Variants in GRID2IP observed in about 807,000 individuals in gnomAD.
GRID2IP encodes Grid2 interacting protein.
GRID2IP carries 78 observed loss-of-function variants against 114.3 expected under a neutral mutation model. That is an observed-to-expected ratio of 0.68 (90% CI 0.57 to 0.82). GRID2IP has a LOEUF of 0.82. Among genes scored for constraint, GRID2IP ranks in the 40% least tolerant of loss-of-function variants. The pLI, the probability that GRID2IP is intolerant of heterozygous loss-of-function variation, is 0.00. For missense variants in GRID2IP, 1,727 were observed against 1,678.5 expected (o/e 1.03, Z -0.51); for synonymous variants, 809 against 724.0 (o/e 1.12, Z -1.89).
At position 6,497,784 on chromosome 7, in the gene GRID2IP, AG is replaced by A; in HGVS notation, c.3625del (p.Leu1209TrpfsTer14). 1 of 1,549,896 alleles carries A rather than the reference AG, an allele frequency of 6.5e-7. No individual in the cohort carries two copies. The highest frequency in any genetic ancestry group is 8.7e-7 in the Non-Finnish European group (1 of 1,146,544). On this transcript the variant is annotated frameshift_variant, in exon 22 of 22. Coordinates refer to ENST00000457091, the MANE Select transcript of GRID2IP (RefSeq NM_001145118.2). LOFTEE classifies it high-confidence loss of function. The part of the protein sequence containing the change: ...GLRSSGMVSP[L>X]AW ...GCGGTGTGGCCACTGTCACCAGGCC[AG>A]GGGTGAAACCATCCCGGAGCTGCGC... is the stretch of plus-strand genomic sequence containing the variant.
intron 2 of GRID2IP, among the ~76,000 whole-genome samples, chr7:6,529,941 T>TTCTC (rs200826855): frequency 5.6e-5 from 8 of 142,336 alleles, no homozygotes; most frequent in East Asian, 2.1e-4. Flanking sequence ...CCACCCAGCT[T>TTCTC]TCTCTCTCTC....
chr7:6,542,412 G>C (rs1365923994), intron 1 of GRID2IP, among the ~76,000 whole-genome samples: 1 of 152,088 alleles, frequency 6.6e-6, no homozygotes, highest in Non-Finnish European at 1.5e-5. Context: ...CCAGTGCTTA[G>C]GGAGATCGAG....
At chr7:6,502,629 C>G (rs867994520) in intron 18 of GRID2IP, among the ~76,000 whole-genome samples, 157 bp downstream of exon 18, 2 of 132,656 alleles carry the variant, frequency 1.5e-5, no homozygotes, top group Middle Eastern at 9.0e-3. Context: ...TTGCTGCAGT[C>G]ACATCCTGGC....
At chr7:6,533,870 T>C (rs919703262) in intron 2 of GRID2IP, among the ~76,000 whole-genome samples, 6 of 150,466 alleles carry the variant, frequency 4.0e-5, no homozygotes, top group Non-Finnish European at 8.9e-5. Context: ...GGACTGGTCT[T>C]GAACTCTGGC....
chr7:6,501,808 G>A lies in GRID2IP; in HGVS notation c.3372C>T (p.Ser1124=), dbSNP rs144875801. The A allele has an allele frequency of 1.9e-5, 29 of 1,551,250 alleles. No individual in the cohort carries two copies. The highest frequency in any genetic ancestry group is 3.6e-5 in the South Asian group (3 of 84,066). ...QDACQSISPS[S]EDKFAMVMSS... is the part of the protein sequence containing the mutation. Reference sequence around the variant, plus strand: ...ACATGACCATTGCAAACTTGTCCTCGCTAGAGGGGGAAATGCTCTGGCAGG... The same window carrying A: ...ACATGACCATTGCAAACTTGTCCTCACTAGAGGGGGAAATGCTCTGGCAGG... Residue 1124 remains serine, a synonymous_variant, in exon 20 of 22, where the codon AGC becomes AGT. Coordinates refer to ENST00000457091, the MANE Select transcript of GRID2IP (RefSeq NM_001145118.2).
At chr7:6,505,796 C>T (rs759747509) in intron 14 of GRID2IP, 24 bp downstream of exon 14, 2 of 1,504,790 alleles carry the variant, frequency 1.3e-6, no homozygotes, top group South Asian at 2.4e-5. Context: ...TCTGGGGTTC[C>T]CCCAAGGCCA....
chr7:6,537,725 C>G (rs1419429697), intron 2 of GRID2IP, among the ~76,000 whole-genome samples: 1 of 151,706 alleles, frequency 6.6e-6, no homozygotes, highest in Non-Finnish European at 1.5e-5. Flanking sequence ...AGCGTGGCAT[C>G]GTGGCACCCA....
chr7:6,543,734 C>T (rs1030047628), intron 1 of GRID2IP, among the ~76,000 whole-genome samples: 2 of 151,810 alleles, frequency 1.3e-5, no homozygotes, highest in African/African-American at 4.8e-5. Flanking sequence ...CTCTGCCTTC[C>T]GAGTAGCCAG....
chr7:6,545,679 G>T (rs571836947), intron 1 of GRID2IP, among the ~76,000 whole-genome samples: 41 of 152,322 alleles, frequency 2.7e-4, no homozygotes, highest in Admixed American at 1.8e-3. Context: ...ATGATCCGGG[G>T]TCTCATGCTT....
At chr7:6,514,571 C>A in intron 7 of GRID2IP, 42 bp from the exon 8 acceptor site, 1 of 1,455,166 alleles carries the variant, frequency 6.9e-7, no homozygotes. Flanking sequence ...TACTCACGGG[C>A]TTACCATGAT....
Position 6,521,577 on chromosome 7 carries a change from G to T in GRID2IP, c.990-54C>A. The T allele has an allele frequency of 1.5e-6, 2 of 1,332,662 alleles. No homozygotes were observed. The highest frequency in any genetic ancestry group is 2.1e-6 in the Non-Finnish European group (2 of 970,830). 82.6% of individuals were successfully genotyped at this position (1,332,662 alleles called of 1,614,324 possible). On this transcript the variant is annotated intron_variant, in intron 5 of 21. Coordinates refer to ENST00000457091, the MANE Select transcript of GRID2IP (RefSeq NM_001145118.2). This position sits in a 1 kb window ranked among gnomAD's most constrained non-coding sequence, Gnocchi z 4.1. ...CTGACTGGGGTGAGCCCTGTCCACG[G>T]CCACCAGCCAGACCTCCCTGTCCTG...
chr7:6,547,773 G>A (rs1779909406), intron 1 of GRID2IP, among the ~76,000 whole-genome samples: 1 of 152,140 alleles, frequency 6.6e-6, no homozygotes, highest in African/African-American at 2.4e-5. Flanking sequence ...CATGATGGAG[G>A]AGACACTCCT....
In GRID2IP at chr7:6,514,595, G is replaced by A. The variant is rs1247674726; in HGVS notation, c.1269-66C>T. On this transcript the variant is annotated intron_variant, in intron 7 of 21. Coordinates refer to ENST00000457091, the MANE Select transcript of GRID2IP (RefSeq NM_001145118.2). Reference sequence around the variant, plus strand: ...GCTTACCATGATGCACAGAGTGGGGGTAGACAAGACGGCACTTCCAAGCCA... The same window carrying A: ...GCTTACCATGATGCACAGAGTGGGGATAGACAAGACGGCACTTCCAAGCCA... 39 of 1,371,762 alleles carry A rather than the reference G, an allele frequency of 2.8e-5. No individual in the cohort carries two copies. The South Asian group carries it at 6.2e-4, about 22-fold the overall frequency. 85.0% of individuals were successfully genotyped at this position (1,371,762 alleles called of 1,614,324 possible). A position where few individuals can be genotyped will look rare whatever the true frequency, so the allele number is the denominator to read the frequency against.
chr7:6,508,190 G>A lies in GRID2IP; in HGVS notation c.2339C>T (p.Pro780Leu). ...GAGGGGCTTGGCCAGCGCCTGAGCAGGGCCCCGGGAACCATCAGAGCTGCG... is the reference window on the plus strand; with the variant it reads ...GAGGGGCTTGGCCAGCGCCTGAGCAAGGCCCCGGGAACCATCAGAGCTGCG... ...SSRSSDGSRG[P>L]AQALAKPLTQ... Residue 780 changes from proline to leucine, a missense_variant, in exon 13 of 22, where the codon CCT becomes CTT. Transcript: ENST00000457091. This position sits in a 1 kb window ranked among gnomAD's most constrained non-coding sequence, Gnocchi z 5.6. 1 of 1,513,812 alleles carries A rather than the reference G, an allele frequency of 6.6e-7. No homozygotes were observed. The highest frequency in any genetic ancestry group is 1.3e-5 in the South Asian group (1 of 77,206). The allele number at this position is 1,513,812 out of a possible 1,614,324, so 93.8% of individuals were successfully genotyped here. A position where few individuals can be genotyped will look rare whatever the true frequency, so the allele number is the denominator to read the frequency against.
At chr7:6,530,996 C>T in intron 2 of GRID2IP, 1 of 625,656 alleles carries the variant, frequency 1.6e-6, no homozygotes, top group East Asian at 3.4e-5. Flanking sequence ...CGCTTTCAGA[C>T]CAGCCCGAGG....
At chr7:6,544,270 TTTTTC>T (rs1779853133) in intron 1 of GRID2IP, among the ~76,000 whole-genome samples, 1 of 141,746 alleles carries the variant, frequency 7.1e-6, no homozygotes, top group Non-Finnish European at 1.6e-5. Context: ...CATGGTTTTC[TTTTTC>T]TTTTTTCTTT....
intron 14 of GRID2IP, 61 bp downstream of exon 14, chr7:6,505,759 C>A: frequency 9.1e-7 from 1 of 1,096,858 alleles, no homozygotes; most frequent in South Asian, 1.3e-5. Flanking sequence ...AGATGCTAAG[C>A]CTGGGGCTGC....
intron 2 of GRID2IP, among the ~76,000 whole-genome samples, chr7:6,533,786 C>G (rs1035657424): frequency 6.6e-6 from 1 of 151,434 alleles, no homozygotes; most frequent in Non-Finnish European, 1.5e-5. Context: ...GTTGGGATTA[C>G]AGGCATGAAC....
chr7:6,503,619 G>C lies in GRID2IP; in HGVS notation c.2779C>G (p.Arg927Gly), dbSNP rs1028364879. Residue 927 changes from arginine to glycine, a missense_variant, in exon 16 of 22, where the codon CGG becomes GGG. Coordinates refer to ENST00000457091, the MANE Select transcript of GRID2IP (RefSeq NM_001145118.2). ...GCGAGATGTGCGGGCTCCAGGCGCC[G>C]GGGCTCCATGCTCATCAGCACCTGG... ...LRQVLMSMEP[R>G]RLEPAHLAQL... 6.5e-7 allele frequency: 1 copy of C among 1,528,814 alleles called. No homozygotes were observed. The highest frequency in any genetic ancestry group is 8.7e-7 in the Non-Finnish European group (1 of 1,144,228). The allele number at this position is 1,528,814 out of a possible 1,614,324, so 94.7% of individuals were successfully genotyped here.
Sources: allele counts gnomAD v4.1 joint callset (sites outside exome capture counted in the v4.1 genomes callset), GRCh38; gene constraint gnomAD v4.1.1; non-coding constraint Gnocchi (gnomAD v3.1); transcripts MANE v1.5; gene names NCBI Gene and HGNC (gene_info 2026-07-23, HGNC 2026-07-21).